Variants in AGPAT3 observed in about 807,000 individuals in gnomAD.
AGPAT3 encodes 1-acyl-sn-glycerol-3-phosphate acyltransferase gamma.
In AGPAT3, 5 loss-of-function variants were observed where a neutral mutation model predicts 47.3. That is an observed-to-expected ratio of 0.11 (90% CI 0.06 to 0.22). The LOEUF (loss-of-function observed/expected upper bound fraction) is 0.22, where lower values mean the gene tolerates loss of function less well. AGPAT3 is among the 10% of genes least tolerant of loss of function. The pLI is 1.00. For synonymous variants in AGPAT3, 212 were observed against 208.3 expected (o/e 1.02, Z -0.15); for missense variants, 315 against 493.0 (o/e 0.64, Z 3.42).
chr21:43,953,026 A>AG (rs1264745839), intron 2 of AGPAT3, among the ~76,000 whole-genome samples: 3 of 152,218 alleles, frequency 2.0e-5, no homozygotes, highest in African/African-American at 7.2e-5. Flanking sequence ...ATGGGCCTCC[A>AG]GTGGGATGTG....
chr21:43,890,847 C>G (rs1278622624), intron 1 of AGPAT3, among the ~76,000 whole-genome samples: 1 of 152,074 alleles, frequency 6.6e-6, no homozygotes, highest in African/African-American at 2.4e-5. Context: ...AAGTGATTCT[C>G]CTGCCTCAGC....
chr21:43,895,801 C>G (rs1044554044), intron 1 of AGPAT3, among the ~76,000 whole-genome samples: 59 of 152,150 alleles, frequency 3.9e-4, no homozygotes, highest in African/African-American at 1.4e-3. Context: ...GAGTCTCGCT[C>G]TGTTGCCTAG....
rs2089843418 is a variant in AGPAT3 at position 43,981,341 on chromosome 21, C to T, written c.1042+154C>T. 1 of 840,140 alleles carries T rather than the reference C, an allele frequency of 1.2e-6. No individual in the cohort carries two copies. The highest frequency in any genetic ancestry group is 1.9e-6 in the Non-Finnish European group (1 of 536,002). 52.0% of individuals were successfully genotyped at this position (840,140 alleles called of 1,614,324 possible). ...CCAGGATCCCCCCACGGCCTGCGGG[C>T]CTCAGAGCCTGGATTCTTGCACTGA... On this transcript the variant is annotated intron_variant, in intron 9 of 9. Coordinates refer to ENST00000291572, the MANE Select transcript of AGPAT3 (RefSeq NM_020132.5). This position sits in a 1 kb window ranked among gnomAD's most constrained non-coding sequence, Gnocchi z 5.3.
chr21:43,957,915 GAGACGTGCGT>G (rs2088571348), intron 2 of AGPAT3, among the ~76,000 whole-genome samples: 1 of 152,212 alleles, frequency 6.6e-6, no homozygotes, highest in Non-Finnish European at 1.5e-5. Flanking sequence ...CTGAAACTGT[GAGACGTGCGT>G]AGAAGGAAAG....
intron 2 of AGPAT3, among the ~76,000 whole-genome samples, chr21:43,909,427 C>T (rs1195466518): frequency 1.3e-5 from 2 of 151,878 alleles, no homozygotes; most frequent in Non-Finnish European, 2.9e-5. Context: ...TCCCGAGTAG[C>T]TGGGACTACA....
chr21:43,886,973 C>T (rs911328085), intron 1 of AGPAT3, among the ~76,000 whole-genome samples: 2 of 152,176 alleles, frequency 1.3e-5, no homozygotes, highest in African/African-American at 4.8e-5. Flanking sequence ...AGTTAGATAG[C>T]TGGGTCACAT....
At chr21:43,968,455 G>A (rs1601452442) in intron 4 of AGPAT3, among the ~76,000 whole-genome samples, 2 of 151,642 alleles carry the variant, frequency 1.3e-5, no homozygotes, top group East Asian at 2.0e-4. Context: ...GGTGGGGGAG[G>A]TACTGGGTGG....
Position 43,969,230 on chromosome 21 carries a change from C to T in AGPAT3, c.461C>T (p.Thr154Ile). The T allele has an allele frequency of 6.2e-7, 1 of 1,614,222 alleles. No homozygotes were observed. The highest frequency in any genetic ancestry group is 8.5e-7 in the Non-Finnish European group (1 of 1,180,032). The change falls in exon 5 of 10, where the codon ACC becomes ATC. Residue 154 changes from threonine (T) to isoleucine (I), a missense_variant. Physicochemically the swap from Thr to Ile is moderately conservative, Grantham distance 89 (BLOSUM62 -1). Coordinates refer to ENST00000291572, the MANE Select transcript of AGPAT3 (RefSeq NM_020132.5). ...CGGAAGTGGGAGGAGGACCGGGACA[C>T]CGTGGTCGAAGGGCTGAGGCGCCTG... ...CKRKWEEDRD[T>I]VVEGLRRLSD...
At position 43,930,295 on chromosome 21, in the gene AGPAT3, C is replaced by T. The variant is rs1388475607; in HGVS notation, c.-49+26276C>T. ...CTCTGGTGCCAATACCAATGCAGCC[C>T]GGTTCCCTGTCCTGGGCCTGCCAGT... is the stretch of plus-strand genomic sequence containing the variant. On this transcript the variant is annotated intron_variant, in intron 2 of 9. Transcript: ENST00000291572. The surrounding 1 kb of genome is among the most constrained non-coding windows in gnomAD (Gnocchi z 5.0). Among the ~76,000 whole-genome samples the T allele has an allele frequency of 1.3e-5, 2 of 152,092 alleles. No individual in the cohort carries two copies. Among genetic ancestry groups the T allele is most frequent in the African/African-American group, 2.4e-5 (1 of 41,418 alleles).
At chr21:43,964,961 C>T (rs151220679) in intron 3 of AGPAT3, 3,964 of 160,392 alleles carry the variant, frequency 0.025, 58 homozygotes, top group Non-Finnish European at 0.038. Context: ...CAGGGTCTTG[C>T]TCTGTCGCCC....
chr21:43,959,385 T>TGA (rs1398277499), intron 2 of AGPAT3, among the ~76,000 whole-genome samples: 43 of 143,896 alleles, frequency 3.0e-4, no homozygotes, highest in African/African-American at 1.1e-3. Context: ...GGTGTGTGTG[T>TGA]GACGTGTGGT....
chr21:43,884,307 G>A (rs2085921741), intron 1 of AGPAT3, among the ~76,000 whole-genome samples: 1 of 146,684 alleles, frequency 6.8e-6, no homozygotes, highest in African/African-American at 2.5e-5. Context: ...TCCTGCTGAG[G>A]GCATTTGGCC....
chr21:43,937,418 C>G (rs370432286), intron 2 of AGPAT3, among the ~76,000 whole-genome samples: 45 of 152,334 alleles, frequency 3.0e-4, no homozygotes, highest in African/African-American at 1.1e-3. Context: ...AGGCCCCTGA[C>G]TATATCTGTT....
intron 2 of AGPAT3, among the ~76,000 whole-genome samples, chr21:43,951,255 C>T (rs1228168009): frequency 6.6e-6 from 1 of 152,192 alleles, no homozygotes; most frequent in Non-Finnish European, 1.5e-5. Context: ...AGCTGACAGC[C>T]GTTTCTCAGT....
At chr21:43,944,251 G>A (rs976448039) in intron 2 of AGPAT3, among the ~76,000 whole-genome samples, 1 of 152,272 alleles carries the variant, frequency 6.6e-6, no homozygotes, top group Admixed American at 6.5e-5. Context: ...ACTCTGGAGC[G>A]ATGGCTATTT....
chr21:43,883,919 G>C (rs1431317904), intron 1 of AGPAT3, among the ~76,000 whole-genome samples: 1 of 152,068 alleles, frequency 6.6e-6, no homozygotes, highest in South Asian at 2.1e-4. Flanking sequence ...GTAGAGAGAC[G>C]GGGTTTCTCC....
intron 2 of AGPAT3, among the ~76,000 whole-genome samples, chr21:43,905,634 T>G (rs1231140556): frequency 1.3e-5 from 2 of 152,214 alleles, no homozygotes; most frequent in African/African-American, 2.4e-5. Context: ...TTCACAAAAG[T>G]TTACTTGCTG....
chr21:43,897,709 C>T (rs2086258228), intron 1 of AGPAT3, among the ~76,000 whole-genome samples: 1 of 151,958 alleles, frequency 6.6e-6, no homozygotes, highest in Admixed American at 6.6e-5. Context: ...GGCGGCTGGG[C>T]AGAGACGCTC....
chr21:43,938,857 G>A (rs2087541081), intron 2 of AGPAT3, among the ~76,000 whole-genome samples: 1 of 152,220 alleles, frequency 6.6e-6, no homozygotes, highest in Admixed American at 6.5e-5. Context: ...TCAATGTGTT[G>A]GCCGGGGATG....
Sources: gnomAD v4.1 joint callset for allele counts (sites outside exome capture counted in the v4.1 genomes callset) on GRCh38, gnomAD v4.1.1 for gene constraint, Gnocchi (gnomAD v3.1) non-coding constraint, MANE v1.5 for transcripts, NCBI Gene and HGNC (gene_info 2026-07-23, HGNC 2026-07-21) for gene names.